The following C7orf78 variants were observed in gnomAD, a reference collection of about 807,000 sequenced individuals.
C7orf78 encodes the protein putative uncharacterized protein C7orf78.
At chr7:12,503,548 A>G in the C7orf78 span, among the ~76,000 whole-genome samples, 1 of 151,954 alleles carries the variant, frequency 6.6e-6, no homozygotes, top group African/African-American at 2.4e-5. Flanking sequence ...AAACTGGATG[A>G]TGGTTACATG....
chr7:12,484,351 A>T, the C7orf78 span, among the ~76,000 whole-genome samples: 1 of 152,198 alleles, frequency 6.6e-6, no homozygotes, highest in Non-Finnish European at 1.5e-5. Flanking sequence ...GTATATGCAG[A>T]TCAAAACATT....
At chr7:12,534,899 T>C in the C7orf78 span, among the ~76,000 whole-genome samples, 16 of 151,240 alleles carry the variant, frequency 1.1e-4, no homozygotes, top group African/African-American at 3.6e-4. Flanking sequence ...GGCTGCAGTG[T>C]TCTCTCCACT....
the C7orf78 span, among the ~76,000 whole-genome samples, chr7:12,503,656 C>G: frequency 6.6e-6 from 1 of 151,078 alleles, no homozygotes; most frequent in African/African-American, 2.4e-5. Flanking sequence ...ATGTGCACAG[C>G]GTGCAGGTTT....
chr7:12,532,123 C>G, the C7orf78 span, among the ~76,000 whole-genome samples: 4 of 152,196 alleles, frequency 2.6e-5, no homozygotes, highest in Non-Finnish European at 5.9e-5. Context: ...TTTGAACATG[C>G]CTGGTCCCAG....
At chr7:12,515,176 T>C in the C7orf78 span, among the ~76,000 whole-genome samples, 2 of 152,218 alleles carry the variant, frequency 1.3e-5, no homozygotes, top group Non-Finnish European at 2.9e-5. Context: ...TCTTGAATTG[T>C]ACTCCCATAA....
At chr7:12,495,021 G>A in the C7orf78 span, among the ~76,000 whole-genome samples, 10 of 152,122 alleles carry the variant, frequency 6.6e-5, no homozygotes, top group African/African-American at 1.2e-4. Context: ...TGTTCTGCCC[G>A]TCTTCTCCCA....
the C7orf78 span, among the ~76,000 whole-genome samples, chr7:12,512,055 G>T: frequency 3.3e-5 from 5 of 151,144 alleles, no homozygotes; most frequent in African/African-American, 1.2e-4. Flanking sequence ...GATTACAGGC[G>T]TGAGCCACCA....
At chr7:12,510,773 C>T in the C7orf78 span, among the ~76,000 whole-genome samples, 2 of 151,958 alleles carry the variant, frequency 1.3e-5, no homozygotes, top group African/African-American at 4.8e-5. Flanking sequence ...TGTTTAAGTT[C>T]CTTGTATATG....
At chr7:12,501,417 A>G in the C7orf78 span, among the ~76,000 whole-genome samples, 2 of 151,884 alleles carry the variant, frequency 1.3e-5, no homozygotes, top group South Asian at 4.2e-4. Flanking sequence ...AAAAATCACA[A>G]GCATTCCTAT....
the C7orf78 span, chr7:12,507,054 A>G: frequency 2.6e-6 from 1 of 391,008 alleles, no homozygotes; most frequent in Non-Finnish European, 5.0e-6. Context: ...TAATCCCAGC[A>G]CTTTGGGAGG....
At chr7:12,497,935 T>C in the C7orf78 span, among the ~76,000 whole-genome samples, 166 of 149,142 alleles carry the variant, frequency 1.1e-3, no homozygotes, top group African/African-American at 3.5e-3. Context: ...CCCTGACCCC[T>C]GAGCAGCCTA....
chr7:12,506,976 A>G, the C7orf78 span: 2 of 471,200 alleles, frequency 4.2e-6, no homozygotes, highest in Non-Finnish European at 8.6e-6. Flanking sequence ...CAACATGAGG[A>G]AGCAAATAAA....
At chr7:12,526,065 T>C in the C7orf78 span, among the ~76,000 whole-genome samples, 1 of 152,148 alleles carries the variant, frequency 6.6e-6, no homozygotes, top group Non-Finnish European at 1.5e-5. Flanking sequence ...AACAATACGT[T>C]TACTTTTCTA....
chr7:12,507,861 C>T, the C7orf78 span, among the ~76,000 whole-genome samples: 1 of 152,130 alleles, frequency 6.6e-6, no homozygotes, highest in South Asian at 2.1e-4. Flanking sequence ...TTCCCAAATA[C>T]CATGGGTTTT....
chr7:12,537,117 AT>A, the C7orf78 span, among the ~76,000 whole-genome samples: 1 of 152,194 alleles, frequency 6.6e-6, no homozygotes, highest in African/African-American at 2.4e-5. Context: ...AGTTTACTGT[AT>A]TAGTTCATTC....
At chr7:12,510,255 C>G in the C7orf78 span, among the ~76,000 whole-genome samples, 1 of 151,900 alleles carries the variant, frequency 6.6e-6, no homozygotes, top group Non-Finnish European at 1.5e-5. Context: ...AGGATCATGG[C>G]TCACTGCAGC....
chr7:12,520,131 C>T, the C7orf78 span, among the ~76,000 whole-genome samples: 10 of 152,220 alleles, frequency 6.6e-5, no homozygotes, highest in Non-Finnish European at 1.0e-4. Context: ...AAAGGAGCCC[C>T]TATGGGCTCA....
chr7:12,498,934 A>C, the C7orf78 span, among the ~76,000 whole-genome samples: 1 of 151,952 alleles, frequency 6.6e-6, no homozygotes, highest in Non-Finnish European at 1.5e-5. Flanking sequence ...AATATTCAAC[A>C]TTCTTAAAGA....
the C7orf78 span, among the ~76,000 whole-genome samples, chr7:12,526,347 G>A: frequency 6.6e-6 from 1 of 152,016 alleles, no homozygotes; most frequent in South Asian, 2.1e-4. Context: ...AAAACACATG[G>A]AAATAACATA....
Sources: allele counts gnomAD v4.1 joint callset (sites outside exome capture counted in the v4.1 genomes callset), GRCh38; gene constraint gnomAD v4.1.1; transcripts MANE v1.5; gene names NCBI Gene and HGNC (gene_info 2026-07-23, HGNC 2026-07-21).